Variants in SLC25A21 observed in about 807,000 individuals in gnomAD.
SLC25A21 encodes mitochondrial 2-oxodicarboxylate carrier.
A neutral mutation model predicts 43.8 loss-of-function variants in SLC25A21; 47 were observed. That is an observed-to-expected ratio of 1.07 (90% CI 0.85 to 1.37). The LOEUF is 1.37. Among genes scored for constraint, SLC25A21 ranks in the 40% most tolerant of loss-of-function variants. SLC25A21 has a pLI of 0.00. For missense variants in SLC25A21, 352 were observed against 350.2 expected, an observed-to-expected ratio of 1.00 and a Z score of -0.04; for synonymous variants, 131 against 121.3, an observed-to-expected ratio of 1.08 and a Z score of -0.52.
intron 1 of SLC25A21, among the ~76,000 whole-genome samples, chr14:36,915,076 C>T (rs1891794783): frequency 6.6e-6 from 1 of 151,932 alleles, no homozygotes; most frequent in Admixed American, 6.6e-5. Context: ...AACTATTCCT[C>T]CTTAAAATAC....
intron 1 of SLC25A21, among the ~76,000 whole-genome samples, chr14:36,885,838 G>T (rs560105018): frequency 2.0e-5 from 3 of 152,250 alleles, no homozygotes; most frequent in South Asian, 2.1e-4. Flanking sequence ...AGTTACAAGT[G>T]AAACCTGTTT....
chr14:36,903,961 T>C (rs950627764), intron 1 of SLC25A21, among the ~76,000 whole-genome samples: 8 of 152,228 alleles, frequency 5.3e-5, no homozygotes, highest in Non-Finnish European at 8.8e-5. Flanking sequence ...TAGAAAGTTC[T>C]TTCAAACTTC....
chr14:37,039,531 G>A (rs1227740343), intron 1 of SLC25A21, among the ~76,000 whole-genome samples: 3 of 151,806 alleles, frequency 2.0e-5, no homozygotes, highest in African/African-American at 7.3e-5. Flanking sequence ...ATACTTTTTT[G>A]TCTGACTTCT....
chr14:37,170,073 G>A (rs1964096035), intron 1 of SLC25A21, among the ~76,000 whole-genome samples: 1 of 151,778 alleles, frequency 6.6e-6, no homozygotes, highest in Non-Finnish European at 1.5e-5. Flanking sequence ...GTCTCGCTCT[G>A]TCGCCAGGTT....
chr14:37,119,215 C>T (rs10139302), intron 1 of SLC25A21, among the ~76,000 whole-genome samples: 124,014 of 152,120 alleles, frequency 0.82, 53,338 homozygotes, highest in South Asian at 0.98. Flanking sequence ...GCCCCTTTCA[C>T]AGAAAACTCA....
chr14:36,860,898 T>G (rs1319172916), intron 2 of SLC25A21, among the ~76,000 whole-genome samples: 1 of 152,214 alleles, frequency 6.6e-6, no homozygotes, highest in East Asian at 1.9e-4. Flanking sequence ...CACAATAATT[T>G]TGTGTGGTTT....
intron 6 of SLC25A21, among the ~76,000 whole-genome samples, chr14:36,720,702 G>A (rs1884338523): frequency 6.6e-6 from 1 of 152,234 alleles, no homozygotes; most frequent in African/African-American, 2.4e-5. Flanking sequence ...CTATTCCAGA[G>A]GAAGAAATCT....
In SLC25A21 at chr14:36,928,925, A is replaced by C. The variant is rs538062294; in HGVS notation, c.71-53921T>G. On this transcript the variant is annotated intron_variant, in intron 1 of 9. Transcript: ENST00000331299. ...TGAAGAAAGAATTCCCTCATTGTGC[A>C]TAATCCAGGCTTGCTATAAAAAACT... 2.6e-5 allele frequency among the ~76,000 whole-genome samples: 4 copies of C among 152,320 alleles called. No individual in the cohort carries two copies. In the South Asian group the frequency reaches 8.3e-4, roughly 32 times the overall value.
intron 4 of SLC25A21, among the ~76,000 whole-genome samples, chr14:36,730,550 A>G (rs1884776480): frequency 6.6e-6 from 1 of 152,222 alleles, no homozygotes; most frequent in South Asian, 2.1e-4. Flanking sequence ...TTCAGAGCCA[A>G]AAATACTCTG....
chr14:36,835,356 T>C (rs1228321659), intron 2 of SLC25A21, among the ~76,000 whole-genome samples: 1 of 152,180 alleles, frequency 6.6e-6, no homozygotes, highest in Non-Finnish European at 1.5e-5. Flanking sequence ...CAATATAATG[T>C]GAGCCAGCAA....
chr14:36,723,467 C>G (rs1006106043), intron 6 of SLC25A21, among the ~76,000 whole-genome samples: 1 of 152,106 alleles, frequency 6.6e-6, no homozygotes, highest in African/African-American at 2.4e-5. Context: ...TAAGTAAATA[C>G]CTGATAATGT....
chr14:37,148,848 G>A (rs567913261), intron 1 of SLC25A21, among the ~76,000 whole-genome samples: 1 of 152,300 alleles, frequency 6.6e-6, no homozygotes, highest in South Asian at 2.1e-4. Context: ...AGATGCTTGT[G>A]AAAAGCCTCT....
intron 2 of SLC25A21, among the ~76,000 whole-genome samples, chr14:36,867,112 C>T (rs1357928918): frequency 3.9e-5 from 6 of 152,092 alleles, no homozygotes; most frequent in Non-Finnish European, 7.4e-5. Flanking sequence ...ATCCCTCTCC[C>T]CACTTAGTCC....
chr14:37,007,012 TTAA>T (rs1395588159), intron 1 of SLC25A21, among the ~76,000 whole-genome samples: 1 of 152,192 alleles, frequency 6.6e-6, no homozygotes, highest in Non-Finnish European at 1.5e-5. Context: ...ACAATATCAA[TTAA>T]TGTTAAGACA....
At chr14:37,040,573 G>T (rs940287889) in intron 1 of SLC25A21, among the ~76,000 whole-genome samples, 1 of 151,726 alleles carries the variant, frequency 6.6e-6, no homozygotes, top group African/African-American at 2.4e-5. Flanking sequence ...ATTATATCGT[G>T]AGACTTATTG....
intron 1 of SLC25A21, among the ~76,000 whole-genome samples, chr14:37,085,934 T>A (rs1419469660): frequency 6.6e-6 from 1 of 152,040 alleles, no homozygotes; most frequent in Non-Finnish European, 1.5e-5. Flanking sequence ...TGAAACCCCA[T>A]CTCTACTAAA....
At chr14:36,881,979 G>A (rs1304479636) in intron 1 of SLC25A21, among the ~76,000 whole-genome samples, 1 of 152,220 alleles carries the variant, frequency 6.6e-6, no homozygotes, top group Non-Finnish European at 1.5e-5. Context: ...TGAGAACAGA[G>A]TATTCTAAAT....
intron 9 of SLC25A21, among the ~76,000 whole-genome samples, chr14:36,683,374 A>G (rs1882378545): frequency 6.6e-6 from 1 of 152,180 alleles, no homozygotes; most frequent in Admixed American, 6.5e-5. Context: ...TGTAAAGATG[A>G]GTGGCTTTGC....
chr14:36,877,315 A>G (rs1251631249), intron 1 of SLC25A21, among the ~76,000 whole-genome samples: 4 of 152,208 alleles, frequency 2.6e-5, no homozygotes, highest in African/African-American at 9.6e-5. Context: ...ATCAGACCAC[A>G]TTTATATAAA....
Sources: allele counts gnomAD v4.1 joint callset (sites outside exome capture counted in the v4.1 genomes callset), GRCh38; gene constraint gnomAD v4.1.1; transcripts MANE v1.5; gene names NCBI Gene and HGNC (gene_info 2026-07-23, HGNC 2026-07-21).